The following CELSR1 variants were observed in gnomAD, a reference collection of about 807,000 sequenced individuals.
CELSR1 encodes the protein adhesion G protein-coupled receptor C1.
In CELSR1, 110 loss-of-function variants were observed where a neutral mutation model predicts 249.1. The ratio of observed to expected loss-of-function variants is 0.44; its 90% confidence interval spans 0.38 to 0.52. CELSR1 has a LOEUF of 0.52. Ranked by LOEUF, CELSR1 falls within the 20% of genes least tolerant of loss-of-function variation. The probability of loss-of-function intolerance (pLI) is 0.00; values close to 1 mark genes in which losing one functional copy is unlikely to be tolerated. For missense variants in CELSR1, 4,109 were observed against 4,296.4 expected (o/e 0.96, Z 1.22); for synonymous variants, 2,113 against 1,900.0 (o/e 1.11, Z -2.92).
rs1233226568 is a variant in CELSR1, at chr22:46,448,142, TTA to T, written c.4184-8733_4184-8732del. Among the ~76,000 whole-genome samples the T allele has an allele frequency of 6.6e-6, 1 of 152,188 alleles. No individual in the cohort carries two copies. The highest frequency in any genetic ancestry group is 1.5e-5 in the Non-Finnish European group (1 of 68,028). The stretch of plus-strand genomic sequence containing the variant: ...GCTTCACAGGGCTTCAGCAAACGGC[TTA>T]CCTGCTGCAGGCGGGGGCTGGGTGC... On this transcript the variant is annotated intron_variant, in intron 2 of 34. Coordinates refer to ENST00000674500, the MANE Select transcript of CELSR1 (RefSeq NM_001378328.1). This position sits in a 1 kb window ranked among gnomAD's most constrained non-coding sequence, Gnocchi z 5.7.
rs1333498403 is a variant in CELSR1, at chr22:46,468,800, T to C, written c.3545-4455A>G. ...ATTACAAATTTTTTTAATAGGCCAG[T>C]CTCAGTGGCTCACGTCTGAAATCCC... On this transcript the variant is annotated intron_variant, in intron 1 of 34. Transcript: ENST00000674500. The surrounding 1 kb of genome is among the most constrained non-coding windows in gnomAD (Gnocchi z 4.5). Among the ~76,000 whole-genome samples the C allele has an allele frequency of 1.3e-5, 2 of 152,078 alleles. No individual in the cohort carries two copies. The highest frequency in any genetic ancestry group is 4.8e-5 in the African/African-American group (2 of 41,412).
chr22:46,534,728 C>T lies in CELSR1; in HGVS notation c.2443G>A (p.Asp815Asn). Residue 815 changes from aspartate to asparagine, a missense_variant, in exon 1 of 35, where the codon GAT becomes AAT. Physicochemically the swap from Asp to Asn is conservative, Grantham distance 23 (BLOSUM62 1). Coordinates refer to ENST00000674500, the MANE Select transcript of CELSR1 (RefSeq NM_001378328.1). This position sits in a 1 kb window ranked among gnomAD's most constrained non-coding sequence, Gnocchi z 9.7. Reference sequence around the variant, plus strand: ...CGGGCATTCTCTCCTGTGTCCTCATCGTTGGCACTGAGGGTAGCAATGGAG... The same window carrying T: ...CGGGCATTCTCTCCTGTGTCCTCATTGTTGGCACTGAGGGTAGCAATGGAG... ...GTSIATLSANDEDTGENARIT... is the reference protein window; with the variant it reads ...GTSIATLSANNEDTGENARIT... 3 of 1,613,272 alleles carry T rather than the reference C, an allele frequency of 1.9e-6. No individual in the cohort carries two copies. Among genetic ancestry groups the T allele is most frequent in the Non-Finnish European group, 2.5e-6 (3 of 1,180,022 alleles).
rs756312465 is a variant in CELSR1 at position 46,386,500 on chromosome 22, G to A, written c.6641C>T (p.Ala2214Val). The A allele has an allele frequency of 1.3e-6, 2 of 1,598,970 alleles. No homozygotes were observed. Among genetic ancestry groups the A allele is most frequent in the Non-Finnish European group, 1.7e-6 (2 of 1,173,668 alleles). Residue 2214 changes from alanine to valine, a missense_variant, in exon 19 of 35, where the codon GCA (alanine) becomes GTA (valine). Ala to Val is a moderately conservative substitution (Grantham distance 64). Coordinates refer to ENST00000674500, the MANE Select transcript of CELSR1 (RefSeq NM_001378328.1). The stretch of plus-strand genomic sequence containing the variant: ...GCCCTCGAGGCGCCGGAGCAGCTGT[G>A]CCGTGCCGCCCTCGCTCCGCTGGAT... The part of the protein sequence containing the change: ...EQIQRSEGGT[A>V]QLLRRLEGYF...
chr22:46,524,934 C>A (rs1320112926), intron 1 of CELSR1, among the ~76,000 whole-genome samples: 7 of 152,138 alleles, frequency 4.6e-5, no homozygotes, highest in Admixed American at 4.6e-4. Context: ...CAGGCAGCCC[C>A]CTCCCCTCAC....
At chr22:46,463,003 T>A (rs2080049773) in intron 2 of CELSR1, 1 of 422,096 alleles carries the variant, frequency 2.4e-6, no homozygotes, top group Non-Finnish European at 4.8e-6. Flanking sequence ...GTTCCACTGT[T>A]TTACGCTAAC....
In CELSR1 at chr22:46,468,968, C is replaced by A. The variant is rs553491706; in HGVS notation, c.3545-4623G>T. Among the ~76,000 whole-genome samples the A allele has an allele frequency of 3.1e-4, 47 of 152,140 alleles. No homozygotes were observed. The highest frequency in any genetic ancestry group is 3.4e-3 in the Middle Eastern group (1 of 294). On this transcript the variant is annotated intron_variant, in intron 1 of 34. Coordinates refer to ENST00000674500, the MANE Select transcript of CELSR1 (RefSeq NM_001378328.1). This position sits in a 1 kb window ranked among gnomAD's most constrained non-coding sequence, Gnocchi z 4.5. ...GCACGTGCCTGTAGTCTCAGCTACT[C>A]GGAAGGCTGAGGCTTGAGAATCGCT...
rs2078723951 is a variant in CELSR1 at position 46,363,124 on chromosome 22, G to A, written c.*99C>T. ...TCCACTTCAAGGGCAGTGGCCCCTTGGGCTCCAAGGTCTGAGGGTGATGCC... is the reference window on the plus strand; with the variant it reads ...TCCACTTCAAGGGCAGTGGCCCCTTAGGCTCCAAGGTCTGAGGGTGATGCC... On this transcript the variant is annotated 3_prime_UTR_variant, in exon 35 of 35. Coordinates refer to ENST00000674500, the MANE Select transcript of CELSR1 (RefSeq NM_001378328.1). This position sits in a 1 kb window ranked among gnomAD's most constrained non-coding sequence, Gnocchi z 4.3. 1 of 1,613,328 alleles carries A rather than the reference G, an allele frequency of 6.2e-7. No individual in the cohort carries two copies. Among genetic ancestry groups the A allele is most frequent in the African/African-American group, 1.3e-5 (1 of 75,036 alleles).
chr22:46,458,222 C>T (rs1194681510), intron 2 of CELSR1, among the ~76,000 whole-genome samples: 1 of 152,144 alleles, frequency 6.6e-6, no homozygotes, highest in African/African-American at 2.4e-5. Flanking sequence ...CCAGAGTGAC[C>T]TCAGCCTGGG....
Position 46,381,305 on chromosome 22 carries a change from C to T in CELSR1, c.7089-350G>A, listed in dbSNP as rs1055303601. Among the ~76,000 whole-genome samples, 1 of 152,212 alleles carries T rather than the reference C, an allele frequency of 6.6e-6. No homozygotes were observed. Among genetic ancestry groups the T allele is most frequent in the Non-Finnish European group, 1.5e-5 (1 of 68,028 alleles). On this transcript the variant is annotated intron_variant, in intron 21 of 34. Coordinates refer to ENST00000674500, the MANE Select transcript of CELSR1 (RefSeq NM_001378328.1). The surrounding 1 kb of genome is among the most constrained non-coding windows in gnomAD (Gnocchi z 6.0). The stretch of plus-strand genomic sequence containing the variant: ...AAAAGACACCAAAATAATGGCAGCT[C>T]ATGGGGATGAATCACCCAGTCACTG...
rs528418372 is a variant in CELSR1 at position 46,468,846 on chromosome 22, C to T, written c.3545-4501G>A. Among the ~76,000 whole-genome samples the T allele has an allele frequency of 6.6e-6, 1 of 151,980 alleles. No homozygotes were observed. The highest frequency in any genetic ancestry group is 2.1e-4 in the South Asian group (1 of 4,814). Reference sequence around the variant, plus strand: ...ATCCCAGCACTTTGGGAGGCCGAGGCGGCAGATCACCTGAGGTCAGGAGTT... The same window carrying T: ...ATCCCAGCACTTTGGGAGGCCGAGGTGGCAGATCACCTGAGGTCAGGAGTT... On this transcript the variant is annotated intron_variant, in intron 1 of 34. Coordinates refer to ENST00000674500, the MANE Select transcript of CELSR1 (RefSeq NM_001378328.1). The surrounding 1 kb of genome is among the most constrained non-coding windows in gnomAD (Gnocchi z 4.5).
rs968774251 is a variant in CELSR1, at chr22:46,427,241, A to C, written c.4611+6152T>G. Among the ~76,000 whole-genome samples, 3 of 152,148 alleles carry C rather than the reference A, an allele frequency of 2.0e-5. No homozygotes were observed. Among genetic ancestry groups the C allele is most frequent in the Non-Finnish European group, 4.4e-5 (3 of 68,014 alleles). On this transcript the variant is annotated intron_variant, in intron 5 of 34. Coordinates refer to ENST00000674500, the MANE Select transcript of CELSR1 (RefSeq NM_001378328.1). This position sits in a 1 kb window ranked among gnomAD's most constrained non-coding sequence, Gnocchi z 4.2. The stretch of plus-strand genomic sequence containing the variant: ...ATTTCTAAATGCCACCCTCCACTAA[A>C]AGAACCAGGCTCGGCCAGGTGCAGT...
At chr22:46,385,832 C>T (rs2079026898) in intron 19 of CELSR1, among the ~76,000 whole-genome samples, 1 of 152,070 alleles carries the variant, frequency 6.6e-6, no homozygotes, top group Non-Finnish European at 1.5e-5. Context: ...CGCCCACCAC[C>T]ACGACCGGCT....
At chr22:46,481,784 CTTTTT>C in intron 1 of CELSR1, 1 of 278,556 alleles carries the variant, frequency 3.6e-6, no homozygotes. Flanking sequence ...TTTTCTAAAT[CTTTTT>C]TTTTTTTTTG....
At chr22:46,462,980 TGGTTTCCAC>T (rs1322343373) in intron 2 of CELSR1, 1 of 457,024 alleles carries the variant, frequency 2.2e-6, no homozygotes, top group African/African-American at 2.0e-5. Flanking sequence ...AATGGCTCAA[TGGTTTCCAC>T]CTGGTTCCAC....
At chr22:46,453,462 G>A (rs6007916) in intron 2 of CELSR1, among the ~76,000 whole-genome samples, 6,573 of 152,200 alleles carry the variant, frequency 0.043, 444 homozygotes, top group African/African-American at 0.15. Flanking sequence ...TGGGGGTCAC[G>A]AACTGCCCTC....
In CELSR1 at chr22:46,372,899, G is replaced by C; in HGVS notation, c.7743C>G (p.Ile2581Met). 6.2e-7 allele frequency: 1 copy of C among 1,608,240 alleles called. No individual in the cohort carries two copies. The highest frequency in any genetic ancestry group is 8.5e-7 in the Non-Finnish European group (1 of 1,176,588). The change falls in exon 25 of 35, where the codon ATC becomes ATG. Residue 2581 changes from isoleucine (I) to methionine (M), a missense_variant. By Grantham distance (10) the Ile-to-Met change is conservative (BLOSUM62 1). This residue lies in a region of CELSR1 where 1,805 missense variants were observed against 1,831.6 expected (regional missense o/e 0.99). Transcript: ENST00000674500. ...CATCCTCACCTGTGACAATGGCCGG[G>C]ATGCCCCAGCCCACGACGTAGTAGA... is the stretch of plus-strand genomic sequence containing the variant. The part of the protein sequence containing the change: ...MRFYYVVGWG[I>M]PAIVTGLAVG...
intron 18 of CELSR1, 21 bp downstream of exon 18, chr22:46,389,269 G>A (rs2079062944): frequency 6.2e-7 from 1 of 1,600,580 alleles, no homozygotes; most frequent in Non-Finnish European, 8.5e-7. Context: ...CCCCGAGCCA[G>A]GGTGGCGGCC....
intron 5 of CELSR1, among the ~76,000 whole-genome samples, chr22:46,425,398 A>C (rs546767895): frequency 6.6e-6 from 1 of 152,320 alleles, no homozygotes; most frequent in East Asian, 1.9e-4. Context: ...TTCTCTTGTG[A>C]AGCCATCTGG....
intron 25 of CELSR1, among the ~76,000 whole-genome samples, chr22:46,372,366 A>C: frequency 1.2e-5 from 1 of 84,100 alleles, no homozygotes; most frequent in Non-Finnish European, 2.4e-5. Flanking sequence ...CCACCCATCC[A>C]TCCATCCACT....
Sources: allele counts gnomAD v4.1 joint callset (sites outside exome capture counted in the v4.1 genomes callset), GRCh38; gene constraint gnomAD v4.1.1; regional missense constraint gnomAD v4.1.1; non-coding constraint Gnocchi (gnomAD v3.1); transcripts MANE v1.5; gene names NCBI Gene and HGNC (gene_info 2026-07-23, HGNC 2026-07-21).